The following MS4A15 variants were observed in gnomAD, a reference collection of about 807,000 sequenced individuals.
The protein encoded by MS4A15 is membrane-spanning 4-domains subfamily A member 15.
In MS4A15, 22 loss-of-function variants were observed where a neutral mutation model predicts 20.6. The ratio of observed to expected loss-of-function variants is 1.07; its 90% CI spans 0.76 to 1.52. The LOEUF (loss-of-function observed/expected upper bound fraction) is 1.52, where lower values mean the gene tolerates loss of function less well. MS4A15 is among the 40% of genes most tolerant of loss of function. The pLI is 0.00. For synonymous variants in MS4A15, 129 were observed against 129.3 expected, an observed-to-expected ratio of 1.00 and a Z score of 0.02; for missense variants, 312 against 323.0, an observed-to-expected ratio of 0.97 and a Z score of 0.26.
At chr11:60,775,453 T>C (rs921037307) in intron 6 of MS4A15, 152 bp from the exon 7 acceptor site, 39 of 623,570 alleles carry the variant, frequency 6.3e-5, no homozygotes, top group African/African-American at 5.1e-4. Context: ...GTTTGAAATA[T>C]TGGTTGCACG....
intron 4 of MS4A15, among the ~76,000 whole-genome samples, chr11:60,772,076 T>C (rs1217676192): frequency 6.6e-6 from 1 of 152,114 alleles, no homozygotes; most frequent in Admixed American, 6.5e-5. Context: ...TATGAGTCAT[T>C]CTAAGCTCAG....
At chr11:60,761,423 G>A (rs73495026) in intron 1 of MS4A15, among the ~76,000 whole-genome samples, 5,804 of 152,232 alleles carry the variant, frequency 0.038, 364 homozygotes, top group African/African-American at 0.13. Flanking sequence ...CCTATATGCC[G>A]TCTGAGTAGG....
chr11:60,771,247 A>G (rs912961860), intron 3 of MS4A15, 44 bp from the exon 4 acceptor site: 1 of 1,609,762 alleles, frequency 6.2e-7, no homozygotes, highest in Non-Finnish European at 8.5e-7. Flanking sequence ...TGCCCTGCCC[A>G]GGGTCCTGGC....
chr11:60,772,264 G>A (rs55954483), intron 4 of MS4A15, among the ~76,000 whole-genome samples: 3 of 152,184 alleles, frequency 2.0e-5, no homozygotes, highest in African/African-American at 7.2e-5. Context: ...GTGACTCAGA[G>A]CCTAAATGCC....
Position 60,766,435 on chromosome 11 carries a change from A to C in MS4A15, c.226-1098A>C, listed in dbSNP as rs765683957. Among the ~76,000 whole-genome samples the C allele has an allele frequency of 1.4e-3, 217 of 152,362 alleles. 1 individual carries two copies. Among genetic ancestry groups the C allele is most frequent in the Non-Finnish European group, 1.8e-3 (120 of 68,032 alleles). Reference sequence around the variant, plus strand: ...TACCTCTTCTCATTAGGATTAAATGAGACCACATCTGTAAAACCCCCAGCA... The same window carrying C: ...TACCTCTTCTCATTAGGATTAAATGCGACCACATCTGTAAAACCCCCAGCA... On this transcript the variant is annotated intron_variant, in intron 2 of 6. Coordinates refer to ENST00000405633, the MANE Select transcript of MS4A15 (RefSeq NM_001098835.2).
chr11:60,765,291 T>C (rs1853857923), intron 2 of MS4A15, among the ~76,000 whole-genome samples: 2 of 152,290 alleles, frequency 1.3e-5, no homozygotes, highest in South Asian at 4.1e-4. Context: ...GGAACTCAAA[T>C]TATGGAGACA....
chr11:60,760,128 C>T (rs759984248), intron 1 of MS4A15, among the ~76,000 whole-genome samples: 2 of 152,218 alleles, frequency 1.3e-5, no homozygotes, highest in Admixed American at 6.5e-5. Context: ...CTTTACATCA[C>T]ACATATTCAC....
At chr11:60,769,734 C>A (rs762479147) in intron 3 of MS4A15, among the ~76,000 whole-genome samples, 1 of 152,182 alleles carries the variant, frequency 6.6e-6, no homozygotes, top group South Asian at 2.1e-4. Flanking sequence ...AAACATATCC[C>A]AAGAATTGTC....
intron 2 of MS4A15, among the ~76,000 whole-genome samples, chr11:60,765,853 G>C (rs1166588459): frequency 6.9e-6 from 1 of 143,966 alleles, no homozygotes; most frequent in African/African-American, 2.6e-5. Flanking sequence ...CCTCAAAGCG[G>C]ACCCTGGGAA....
At chr11:60,760,815 G>A (rs765553957) in intron 1 of MS4A15, among the ~76,000 whole-genome samples, 14 of 152,188 alleles carry the variant, frequency 9.2e-5, no homozygotes, top group Middle Eastern at 3.2e-3. Flanking sequence ...TTGGAGAATC[G>A]ACTGACAATG....
At chr11:60,771,572 G>A (rs1386537211) in intron 4 of MS4A15, 2 of 1,525,442 alleles carry the variant, frequency 1.3e-6, no homozygotes, top group East Asian at 5.0e-5. Context: ...AGGGTGGAAA[G>A]TGAGGTCCAT....
At chr11:60,773,337 C>A (rs1353024307) in intron 4 of MS4A15, 55 bp from the exon 5 acceptor site, 29 of 1,496,796 alleles carry the variant, frequency 1.9e-5, no homozygotes, top group Non-Finnish European at 2.0e-5. Flanking sequence ...CAGCCCCTGC[C>A]TTTTCTCCTT....
chr11:60,763,769 T>G lies in MS4A15; in HGVS notation c.36T>G (p.Val12=), dbSNP rs1318137365. Residue 12 remains valine, a synonymous_variant, in exon 2 of 7, where the codon GTT becomes GTG. Transcript: ENST00000405633. Reference sequence around the variant, plus strand: ...CTCCCGCCAGCAATGGAGTGTTTGTTGTCATCCCGCCAAACAACGCCAGTG... The same window carrying G: ...CTCCCGCCAGCAATGGAGTGTTTGTGGTCATCCCGCCAAACAACGCCAGTG... ...SAAPASNGVF[V]VIPPNNASGL... 3 of 1,612,268 alleles carry G rather than the reference T, an allele frequency of 1.9e-6. No homozygotes were observed. The highest frequency in any genetic ancestry group is 1.7e-6 in the Non-Finnish European group (2 of 1,179,900).
At chr11:60,775,120 A>G (rs1854153654) in intron 6 of MS4A15, among the ~76,000 whole-genome samples, 1 of 152,158 alleles carries the variant, frequency 6.6e-6, no homozygotes, top group South Asian at 2.1e-4. Context: ...GTTCAAGACC[A>G]GCCTGGCCAA....
Position 60,771,206 on chromosome 11 carries a change from T to C in MS4A15, c.349-85T>C, listed in dbSNP as rs370915778. ...GCATCAGGAGGCTGTTGTCTCTCCC[T>C]GGCACCTCTTGACAGATCCCAAGCA... On this transcript the variant is annotated intron_variant, in intron 3 of 6. Coordinates refer to ENST00000405633, the MANE Select transcript of MS4A15 (RefSeq NM_001098835.2). The C allele has an allele frequency of 5.0e-5, 76 of 1,511,240 alleles. 2 individuals carry two copies. In the African/African-American group the frequency reaches 9.2e-4, roughly 18 times the overall value. The allele number at this position is 1,511,240 out of a possible 1,614,324, so 93.6% of individuals were successfully genotyped here.
intron 6 of MS4A15, 21 bp downstream of exon 6, chr11:60,773,971 C>T: frequency 1.9e-6 from 3 of 1,583,462 alleles, no homozygotes; most frequent in Non-Finnish European, 2.6e-6. Flanking sequence ...CCACCCCCAC[C>T]CCCACGTCCA....
chr11:60,765,881 C>CAA (rs11351320), intron 2 of MS4A15, among the ~76,000 whole-genome samples: 14,747 of 137,650 alleles, frequency 0.11, 856 homozygotes, highest in Admixed American at 0.14. Flanking sequence ...TCTCCCCCTC[C>CAA]AAAAAAAAAA....
Position 60,766,528 on chromosome 11 carries a change from C to T in MS4A15, c.226-1005C>T, listed in dbSNP as rs529628932. On this transcript the variant is annotated intron_variant, in intron 2 of 6. Coordinates refer to ENST00000405633, the MANE Select transcript of MS4A15 (RefSeq NM_001098835.2). ...GTTTCCCAAGGCATAATGGCAGTAGCTGTGGTGGTCTATCCACAGGGGAAA... is the reference window on the plus strand; with the variant it reads ...GTTTCCCAAGGCATAATGGCAGTAGTTGTGGTGGTCTATCCACAGGGGAAA... Among the ~76,000 whole-genome samples, 6 of 152,278 alleles carry T rather than the reference C, an allele frequency of 3.9e-5. No homozygotes were observed. In the South Asian group the frequency reaches 1.2e-3, roughly 32 times the overall value.
At chr11:60,773,211 GGGA>G (rs1161962494) in intron 4 of MS4A15, among the ~76,000 whole-genome samples, 178 bp from the exon 5 acceptor site, 5 of 152,212 alleles carry the variant, frequency 3.3e-5, no homozygotes, top group African/African-American at 7.2e-5. Context: ...GAGGTCCCAG[GGGA>G]GGAGAAGAGA....
Sources: gnomAD v4.1 joint callset for allele counts (sites outside exome capture counted in the v4.1 genomes callset) on GRCh38, gnomAD v4.1.1 for gene constraint, MANE v1.5 for transcripts, NCBI Gene and HGNC (gene_info 2026-07-23, HGNC 2026-07-21) for gene names.